The following NBPF14 variants were observed in gnomAD, a reference collection of about 807,000 sequenced individuals.
The protein encoded by NBPF14 is NBPF family member NBPF14.
In NBPF14, 104 loss-of-function variants were observed where a neutral mutation model predicts 91.2. The observed-to-expected ratio is 1.14, with a 90% confidence interval of 0.97 to 1.34. NBPF14 has a LOEUF of 1.34. NBPF14 is among the 40% of genes most tolerant of loss of function. NBPF14 has a pLI of 0.00. For synonymous variants in NBPF14, 294 were observed against 303.8 expected (o/e 0.97, Z 0.34); for missense variants, 908 against 783.0 (o/e 1.16, Z -1.91).
exon 17 of NBPF14, chr1:148,575,759 G>T: frequency 1.0e-5 from 3 of 290,100 alleles, no homozygotes; most frequent in Non-Finnish European, 1.2e-5. Flanking sequence ...CATCTATCCA[G>T]TGAGTCCTGC....
At position 148,562,258 on chromosome 1, in the gene NBPF14, C is replaced by T; in HGVS notation, c.4252G>A (p.Asp1418Asn). The T allele has an allele frequency of 2.5e-5, 4 of 156,878 alleles. 1 individual carries two copies. The highest frequency in any genetic ancestry group is 1.1e-4 in the South Asian group (3 of 27,808). 9.7% of individuals were successfully genotyped at this position (156,878 alleles called of 1,614,324 possible). ...TACCTGGGGCATGGTGGGTCTTGGT[C>T]TTCTTCCTCTTCTTCGTCCTTTTTA... The change falls in exon 34 of 71, where the codon GAC becomes AAC. Residue 1418 changes from aspartate (D) to asparagine (N), a missense_variant. Transcript: ENST00000619423.
chr1:148,590,054 T>TC, intron 6 of NBPF14, among the ~76,000 whole-genome samples: 1 of 117,416 alleles, frequency 8.5e-6, no homozygotes, highest in South Asian at 3.6e-4. Context: ...TTTTTTTTTT[T>TC]TTTTTTTTTT....
In NBPF14 at chr1:148,535,022, G is replaced by T. The variant is rs1361265743; in HGVS notation, c.8442-166C>A. On this transcript the variant is annotated intron_variant, in intron 68 of 70. Coordinates refer to ENST00000619423, the Ensembl canonical transcript of NBPF14. ...TTATGTTGGGATAGACCAGGGCCAG[G>T]TAGAAAAGAATGAAAGAGAAAGACA... 2.0e-5 allele frequency among the ~76,000 whole-genome samples: 3 copies of T among 147,190 alleles called. No homozygotes were observed. In the South Asian group the frequency reaches 6.5e-4, roughly 32 times the overall value.
rs1308833861 is a variant in NBPF14, at chr1:148,539,295, G to A, written c.7882+115C>T. The A allele has an allele frequency of 4.1e-5, 26 of 636,910 alleles. 5 individuals carry two copies. Among genetic ancestry groups the A allele is most frequent in the Middle Eastern group, 4.1e-4 (1 of 2,458 alleles). The allele number at this position is 636,910 out of a possible 1,614,324, so 39.5% of individuals were successfully genotyped here. Reference sequence around the variant, plus strand: ...CTTTACAACCTATATGCGCCCATAGGTCCTGACTGCGGCAATGACGTCTCT... The same window carrying A: ...CTTTACAACCTATATGCGCCCATAGATCCTGACTGCGGCAATGACGTCTCT... On this transcript the variant is annotated intron_variant, in intron 63 of 70. Transcript: ENST00000619423.
At chr1:148,594,082 G>GC (rs1295414537) in intron 2 of NBPF14, among the ~76,000 whole-genome samples, 3 of 147,330 alleles carry the variant, frequency 2.0e-5, no homozygotes, top group Non-Finnish European at 4.5e-5. Flanking sequence ...AGTCGGGAAG[G>GC]CCCCTAGGAC....
At chr1:148,566,444 C>T in intron 28 of NBPF14, 129 bp from the exon 29 acceptor site, 2 of 595,526 alleles carry the variant, frequency 3.4e-6, no homozygotes, top group South Asian at 2.0e-5. Flanking sequence ...AATGAGGTAA[C>T]AAATTGTTGC....
exon 4 of NBPF14, chr1:148,592,733 T>C (rs1662701985): frequency 6.3e-7 from 1 of 1,585,752 alleles, no homozygotes; most frequent in African/African-American, 1.4e-5. Context: ...GGGTCAGCTC[T>C]CGTTCCTGAG....
At position 148,539,257 on chromosome 1, in the gene NBPF14, G is replaced by C. The variant is rs1419034920; in HGVS notation, c.7882+153C>G. Among the ~76,000 whole-genome samples the C allele has an allele frequency of 1.3e-4, 15 of 115,486 alleles. 3 individuals carry two copies. The highest frequency in any genetic ancestry group is 1.0e-3 in the Admixed American group (13 of 12,494). The allele number at this position is 115,486 out of a possible 152,430, so 75.8% of individuals were successfully genotyped here. On this transcript the variant is annotated intron_variant, in intron 63 of 70. Coordinates refer to ENST00000619423, the Ensembl canonical transcript of NBPF14. Reference sequence around the variant, plus strand: ...CCATTTCATGTCTAGGCTTCCAACTGAGACTACAGTTTCTTTACAACCTAT... The same window carrying C: ...CCATTTCATGTCTAGGCTTCCAACTCAGACTACAGTTTCTTTACAACCTAT...
chr1:148,571,281 A>C (rs1659124126), intron 22 of NBPF14, among the ~76,000 whole-genome samples: 1 of 89,536 alleles, frequency 1.1e-5, no homozygotes, highest in Admixed American at 9.9e-5. Flanking sequence ...ACACAGAGAG[A>C]GAGAGAGAGA....
At chr1:148,577,915 G>T in intron 14 of NBPF14, 68 bp downstream of exon 14, 3 of 636,596 alleles carry the variant, frequency 4.7e-6, no homozygotes, top group East Asian at 2.7e-5. Context: ...AGGATGTACT[G>T]TTTTCCCTGG....
chr1:148,534,251 G>C (rs1474225191), intron 69 of NBPF14, among the ~76,000 whole-genome samples: 1 of 151,298 alleles, frequency 6.6e-6, no homozygotes, highest in East Asian at 1.9e-4. Context: ...TCCAATCAAC[G>C]TAAAGCAAAT....
intron 29 of NBPF14, among the ~76,000 whole-genome samples, chr1:148,565,740 G>A (rs1482125805): frequency 1.0e-4 from 1 of 9,844 alleles, no homozygotes; most frequent in Non-Finnish European, 2.1e-4. Flanking sequence ...TGATTTCTAG[G>A]AGAAAAACTG....
chr1:148,566,508 G>GACAC lies in NBPF14; in HGVS notation c.3543-197_3543-194dup, dbSNP rs1170223898. The stretch of plus-strand genomic sequence containing the variant: ...TGGAAAAGAATGAAAGAGAAAGACA[G>GACAC]ACACACACACACACACACACACACA... On this transcript the variant is annotated intron_variant, in intron 28 of 70. Transcript: ENST00000619423. 2.1e-3 allele frequency among the ~76,000 whole-genome samples: 256 copies of GACAC among 122,066 alleles called. 14 individuals carry two copies. Among genetic ancestry groups the GACAC allele is most frequent in the East Asian group, 2.0e-3 (7 of 3,452 alleles). The allele number at this position is 122,066 out of a possible 152,430, so 80.1% of individuals were successfully genotyped here.
In NBPF14 at chr1:148,572,499, C is replaced by A. The variant is rs1334961558; in HGVS notation, c.2702G>T (p.Ser901Ile). The A allele has an allele frequency of 2.9e-5, 17 of 589,362 alleles. 2 individuals carry two copies. The East Asian group carries it at 4.9e-4, about 17-fold the overall frequency. 36.5% of individuals were successfully genotyped at this position (589,362 alleles called of 1,614,324 possible). A position where few individuals can be genotyped will look rare whatever the true frequency, so the allele number is the denominator to read the frequency against. ...TTCCTCCAATGAGTAAACAGCACTGCTGTAGGGCTGGCCTAAGTCAGGCAG... is the reference window on the plus strand; with the variant it reads ...TTCCTCCAATGAGTAAACAGCACTGATGTAGGGCTGGCCTAAGTCAGGCAG... Residue 901 changes from serine to isoleucine, a missense_variant, in exon 21 of 71, where the codon AGC (serine) becomes ATC (isoleucine). Coordinates refer to ENST00000619423, the Ensembl canonical transcript of NBPF14.
Position 148,533,941 on chromosome 1 carries a change from T to A in NBPF14, c.8643A>T (p.Lys2881Asn), listed in dbSNP as rs1199627312. 4.8e-5 allele frequency: 35 copies of A among 734,046 alleles called. 1 individual carries two copies. Among genetic ancestry groups the A allele is most frequent in the Non-Finnish European group, 7.2e-5 (29 of 403,984 alleles). 45.5% of individuals were successfully genotyped at this position (734,046 alleles called of 1,614,324 possible). ...CCTTCTTTGATCTTCTTCCCCTTCTTTTTTTCCCCTTCCCCTTCTTTTCAA... is the reference window on the plus strand; with the variant it reads ...CCTTCTTTGATCTTCTTCCCCTTCTATTTTTCCCCTTCCCCTTCTTTTCAA... The change falls in exon 70 of 71, where the codon AAA becomes AAT. Residue 2881 changes from lysine to asparagine, a missense_variant. By Grantham distance (94) the Lys-to-Asn change is moderately conservative. Transcript: ENST00000619423.
At chr1:148,586,153 G>GA (rs1381605678) in intron 9 of NBPF14, 102 bp downstream of exon 9, 9 of 603,238 alleles carry the variant, frequency 1.5e-5, no homozygotes, top group Admixed American at 8.9e-5. Context: ...AAGCTTAGTG[G>GA]AAAAAAACAC....
chr1:148,533,743 C>T, intron 70 of NBPF14, 118 bp downstream of exon 70: 1 of 755,814 alleles, frequency 1.3e-6, no homozygotes, highest in Admixed American at 1.8e-5. Context: ...ACAGCAATGA[C>T]AGTAGGAGTA....
chr1:148,593,309 C>T (rs1662804086), intron 3 of NBPF14, among the ~76,000 whole-genome samples: 1 of 149,002 alleles, frequency 6.7e-6, no homozygotes, highest in African/African-American at 2.4e-5. Flanking sequence ...TTTGATTATA[C>T]TGAATGCTGC....
chr1:148,566,518 C>G (rs1412884851), intron 28 of NBPF14, among the ~76,000 whole-genome samples: 3 of 123,062 alleles, frequency 2.4e-5, no homozygotes, highest in Admixed American at 7.8e-5. Flanking sequence ...GACACACACA[C>G]ACACACACAC....
Sources: allele counts gnomAD v4.1 joint callset (sites outside exome capture counted in the v4.1 genomes callset), GRCh38; gene constraint gnomAD v4.1.1; transcripts MANE v1.5; gene names NCBI Gene and HGNC (gene_info 2026-07-23, HGNC 2026-07-21).